NMS: variants seen among roughly 807,000 people sequenced by gnomAD.
NMS encodes the protein neuromedin-S.
NMS carries 30 observed loss-of-function variants against 32.2 expected under a neutral mutation model. That is an observed-to-expected ratio of 0.93 (90% CI 0.70 to 1.26). The LOEUF is 1.26. Ranked by LOEUF, NMS falls within the 50% of genes most tolerant of loss-of-function variation. The pLI is 0.00. For synonymous variants in NMS, 76 were observed against 58.5 expected (o/e 1.30, Z -1.37); for missense variants, 190 against 186.3 (o/e 1.02, Z -0.12).
intron 3 of NMS, among the ~76,000 whole-genome samples, chr2:100,474,065 C>T (rs1166727264): frequency 6.6e-6 from 1 of 152,068 alleles, no homozygotes; most frequent in Non-Finnish European, 1.5e-5. Context: ...GTAATCCCAG[C>T]TACTCAGGAG....
chr2:100,472,747 C>A, intron 1 of NMS, 48 bp from the exon 2 acceptor site: 1 of 1,203,196 alleles, frequency 8.3e-7, no homozygotes, highest in Non-Finnish European at 1.2e-6. Context: ...GAAGTAAATG[C>A]TATGACCTCT....
At chr2:100,479,526 C>T (rs1677176549) in intron 6 of NMS, 99 bp downstream of exon 6, 6 of 1,053,866 alleles carry the variant, frequency 5.7e-6, no homozygotes, top group East Asian at 2.7e-5. Flanking sequence ...GTCATTCTCT[C>T]CTCAAATCTT....
At chr2:100,470,676 A>G (rs886865740) in intron 1 of NMS, 112 bp downstream of exon 1, 1 of 842,062 alleles carries the variant, frequency 1.2e-6, no homozygotes, top group Non-Finnish European at 2.0e-6. Context: ...CTCCCCCGCC[A>G]GACCTTCTTG....
intron 3 of NMS, among the ~76,000 whole-genome samples, chr2:100,474,959 C>G (rs1414535667): frequency 6.6e-6 from 1 of 152,138 alleles, no homozygotes; most frequent in South Asian, 2.1e-4. Flanking sequence ...AAGGGATTTC[C>G]CTATCCCTCA....
At chr2:100,477,613 G>A (rs1466244400) in intron 5 of NMS, among the ~76,000 whole-genome samples, 199 bp downstream of exon 5, 1 of 152,092 alleles carries the variant, frequency 6.6e-6, no homozygotes, top group African/African-American at 2.4e-5. Context: ...GTGGCCAACT[G>A]ATCTGAGAAG....
At chr2:100,476,277 T>C (rs1242996361) in intron 3 of NMS, among the ~76,000 whole-genome samples, 1 of 152,078 alleles carries the variant, frequency 6.6e-6, no homozygotes, top group Non-Finnish European at 1.5e-5. Context: ...TAGTTAAAAA[T>C]GGTGATTATA....
chr2:100,475,595 G>A lies in NMS; in HGVS notation c.184-1649G>A, dbSNP rs576655466. ...ATGCCACGGACCAGGTGCTAGGGAT[G>A]GGGTAGTAAAACAAACTGAGCACCT... is the stretch of plus-strand genomic sequence containing the variant. On this transcript the variant is annotated intron_variant, in intron 3 of 9. Coordinates refer to ENST00000376865, the MANE Select transcript of NMS (RefSeq NM_001011717.1). Among the ~76,000 whole-genome samples, 47 of 152,262 alleles carry A rather than the reference G, an allele frequency of 3.1e-4. 1 individual carries two copies. The South Asian group carries it at 9.7e-3, about 32-fold the overall frequency.
chr2:100,477,700 G>C (rs1677138491), intron 5 of NMS, among the ~76,000 whole-genome samples: 1 of 152,166 alleles, frequency 6.6e-6, no homozygotes, highest in Non-Finnish European at 1.5e-5. Flanking sequence ...AGGTAAGGAA[G>C]AGCCTGGTAA....
Position 100,482,275 on chromosome 2 carries a change from A to G in NMS, c.415-2A>G, listed in dbSNP as rs1445986845. 2.5e-6 allele frequency: 4 copies of G among 1,612,550 alleles called. No homozygotes were observed. Among genetic ancestry groups the G allele is most frequent in the Non-Finnish European group, 3.4e-6 (4 of 1,179,372 alleles). Reference sequence around the variant, plus strand: ...TTCATAAGTTGCTCCTTTTTTTTTCAGCCCAGGAATGGAAGAAACATTGAA... The same window carrying G: ...TTCATAAGTTGCTCCTTTTTTTTTCGGCCCAGGAATGGAAGAAACATTGAA... On this transcript the variant is annotated splice_acceptor_variant, in intron 8 of 9. Coordinates refer to ENST00000376865, the MANE Select transcript of NMS (RefSeq NM_001011717.1). LOFTEE classifies it high-confidence loss of function.
In NMS at chr2:100,470,487, C is replaced by A. The variant is rs1380407021; in HGVS notation, c.-2C>A. On this transcript the variant is annotated 5_prime_UTR_variant, in exon 1 of 10. Coordinates refer to ENST00000376865, the MANE Select transcript of NMS (RefSeq NM_001011717.1). ...CCAGCAAGGAGAAACCAGACTCTCA[C>A]AATGAAACATCTTCGTCCCCAGTTC... The A allele has an allele frequency of 3.7e-6, 6 of 1,613,104 alleles. No individual in the cohort carries two copies. The South Asian group carries it at 6.6e-5, about 18-fold the overall frequency.
rs775972638 is a variant in NMS, at chr2:100,472,760, T to C, written c.77-35T>C. On this transcript the variant is annotated intron_variant, in intron 1 of 9. Coordinates refer to ENST00000376865, the MANE Select transcript of NMS (RefSeq NM_001011717.1). ...TTGAAGTAAATGCTATGACCTCTTT[T>C]CTCTAATTAATAATTTTATGATTTC... is the stretch of plus-strand genomic sequence containing the variant. The C allele has an allele frequency of 2.8e-6, 4 of 1,405,806 alleles. No individual in the cohort carries two copies. The South Asian group carries it at 4.7e-5, about 17-fold the overall frequency. The allele number at this position is 1,405,806 out of a possible 1,614,324, so 87.1% of individuals were successfully genotyped here. A position where few individuals can be genotyped will look rare whatever the true frequency, so the allele number is the denominator to read the frequency against.
chr2:100,482,125 C>G (rs765651563), intron 8 of NMS, 152 bp from the exon 9 acceptor site: 4 of 730,264 alleles, frequency 5.5e-6, no homozygotes, highest in African/African-American at 5.3e-5. Context: ...TAGCACAGGG[C>G]GAGGGCTTCC....
intron 3 of NMS, among the ~76,000 whole-genome samples, chr2:100,475,492 C>A (rs935351991): frequency 2.0e-5 from 3 of 152,116 alleles, no homozygotes; most frequent in Non-Finnish European, 4.4e-5. Context: ...GAAGACGTTT[C>A]AACTGGGAAA....
chr2:100,473,552 GTA>G lies in NMS; in HGVS notation c.183+22_183+23del. On this transcript the variant is annotated intron_variant, in intron 3 of 9. Transcript: ENST00000376865. ...TCGCCAACCTAAGGTAAAAAAATGTGTATATATATAATATATATAAAATATAT... is the reference window on the plus strand; with the variant it reads ...TCGCCAACCTAAGGTAAAAAAATGTGTATATATAATATATATAAAATATAT... 1.1e-5 allele frequency: 12 copies of G among 1,130,850 alleles called. No homozygotes were observed. Among genetic ancestry groups the G allele is most frequent in the African/African-American group, 1.6e-5 (1 of 61,878 alleles). The allele number at this position is 1,130,850 out of a possible 1,614,324, so 70.1% of individuals were successfully genotyped here. A position where few individuals can be genotyped will look rare whatever the true frequency, so the allele number is the denominator to read the frequency against.
At position 100,482,274 on chromosome 2, in the gene NMS, C is replaced by T. The variant is rs1677233618; in HGVS notation, c.415-3C>T. 3 of 1,609,436 alleles carry T rather than the reference C, an allele frequency of 1.9e-6. No individual in the cohort carries two copies. Among genetic ancestry groups the T allele is most frequent in the Non-Finnish European group, 2.5e-6 (3 of 1,177,978 alleles). ...ATTCATAAGTTGCTCCTTTTTTTTT[C>T]AGCCCAGGAATGGAAGAAACATTGA... On this transcript the variant is annotated splice_region_variant and splice_polypyrimidine_tract_variant and intron_variant, in intron 8 of 9. Transcript: ENST00000376865.
Position 100,477,287 on chromosome 2 carries a change from G to A in NMS, c.207+20G>A. On this transcript the variant is annotated intron_variant, in intron 4 of 9. Coordinates refer to ENST00000376865, the MANE Select transcript of NMS (RefSeq NM_001011717.1). ...AAAAGGGTGAGTACCACCTAGCCCT[G>A]TACAAGTGCATGCAGCTTCCATGTT... 6.2e-7 allele frequency: 1 copy of A among 1,611,966 alleles called. No homozygotes were observed. The highest frequency in any genetic ancestry group is 8.5e-7 in the Non-Finnish European group (1 of 1,178,068).
At chr2:100,472,227 G>A (rs553784979) in intron 1 of NMS, among the ~76,000 whole-genome samples, 3 of 151,516 alleles carry the variant, frequency 2.0e-5, no homozygotes, top group Non-Finnish European at 4.4e-5. Context: ...CTGCACTATA[G>A]CTATCCCACC....
At chr2:100,475,534 C>T (rs554223911) in intron 3 of NMS, among the ~76,000 whole-genome samples, 6 of 152,270 alleles carry the variant, frequency 3.9e-5, no homozygotes, top group Admixed American at 2.6e-4. Context: ...CAGGGCTCTA[C>T]CATTCACTCA....
chr2:100,482,014 T>A (rs942309961), intron 8 of NMS, among the ~76,000 whole-genome samples: 3 of 152,132 alleles, frequency 2.0e-5, no homozygotes, highest in African/African-American at 7.2e-5. Flanking sequence ...TCCCACCACA[T>A]AAGCAAAGAC....
Sources: gnomAD v4.1 joint callset for allele counts (sites outside exome capture counted in the v4.1 genomes callset) on GRCh38, gnomAD v4.1.1 for gene constraint, MANE v1.5 for transcripts, NCBI Gene and HGNC (gene_info 2026-07-23, HGNC 2026-07-21) for gene names.